The following IL1RAPL2 variants were observed in gnomAD, a reference collection of about 807,000 sequenced individuals.
The protein encoded by IL1RAPL2 is X-linked interleukin-1 receptor accessory protein-like 2.
Under a neutral mutation model 44.1 loss-of-function variants are expected in IL1RAPL2, and 3 were observed. The observed-to-expected ratio is 0.07, with a 90% CI of 0.03 to 0.18. The LOEUF is 0.18. Ranked by LOEUF, IL1RAPL2 falls within the 10% of genes least tolerant of loss-of-function variation. The probability of loss-of-function intolerance (pLI) is 1.00; values close to 1 mark genes in which losing one functional copy is unlikely to be tolerated. For missense variants in IL1RAPL2, 391 were observed against 496.4 expected, an observed-to-expected ratio of 0.79 and a Z score of 2.02; for synonymous variants, 181 against 178.8, an observed-to-expected ratio of 1.01 and a Z score of -0.10.
intron 2 of IL1RAPL2, among the ~76,000 whole-genome samples, chrX:104,819,669 T>C (rs1921245457): frequency 8.9e-6 from 1 of 112,066 alleles, no homozygotes; most frequent in Admixed American, 9.4e-5. Context: ...CTAGTACACG[T>C]TGTCCCTATA....
chrX:105,055,533 T>C (rs1422667875), intron 2 of IL1RAPL2, among the ~76,000 whole-genome samples: 1 of 111,975 alleles, frequency 8.9e-6, no homozygotes, highest in Non-Finnish European at 1.9e-5. Context: ...AATGTTTTGA[T>C]TGGCAAAAAA....
intron 5 of IL1RAPL2, among the ~76,000 whole-genome samples, chrX:105,330,248 A>G (rs752487699): frequency 9.0e-6 from 1 of 111,548 alleles, no homozygotes; most frequent in Non-Finnish European, 1.9e-5. Context: ...TGTGACATTT[A>G]GAGCCAGGTC....
At chrX:105,647,059 G>A (rs910497072) in intron 6 of IL1RAPL2, among the ~76,000 whole-genome samples, 11 of 112,284 alleles carry the variant, frequency 9.8e-5, no homozygotes, top group Non-Finnish European at 1.5e-4. Flanking sequence ...CGTGGCTCAC[G>A]GAAGAGAACT....
At chrX:104,740,284 G>A (rs1257517986) in intron 2 of IL1RAPL2, among the ~76,000 whole-genome samples, 1 of 110,925 alleles carries the variant, frequency 9.0e-6, no homozygotes, top group African/African-American at 3.3e-5. Flanking sequence ...GGTAGACAAT[G>A]TATTTGATTT....
At chrX:105,014,861 C>G (rs2031140151) in intron 2 of IL1RAPL2, among the ~76,000 whole-genome samples, 1 of 111,992 alleles carries the variant, frequency 8.9e-6, no homozygotes, top group Admixed American at 9.5e-5. Flanking sequence ...AATGGTATTT[C>G]TGGTTCTAGA....
intron 5 of IL1RAPL2, among the ~76,000 whole-genome samples, chrX:105,348,422 C>G (rs1378658671): frequency 1.8e-5 from 2 of 112,031 alleles, no homozygotes; most frequent in East Asian, 2.8e-4. Flanking sequence ...TTTCATAGAG[C>G]TGTTGTGGGA....
At chrX:105,006,751 C>T (rs2030949713) in intron 2 of IL1RAPL2, among the ~76,000 whole-genome samples, 1 of 111,212 alleles carries the variant, frequency 9.0e-6, no homozygotes, top group Non-Finnish European at 1.9e-5. Flanking sequence ...TAAGCAAGAA[C>T]ACATTTTGAG....
intron 2 of IL1RAPL2, among the ~76,000 whole-genome samples, chrX:104,712,311 C>T (rs1277305912): frequency 9.0e-6 from 1 of 110,634 alleles, no homozygotes; most frequent in African/African-American, 3.3e-5. Flanking sequence ...AGGTTTGCCA[C>T]AGGGAATAAA....
chrX:104,647,119 TA>T (rs899306388), intron 1 of IL1RAPL2: 2 of 213,619 alleles, frequency 9.4e-6, no homozygotes, highest in Non-Finnish European at 1.8e-5. Flanking sequence ...ATTTCTGGGA[TA>T]GGGGCAGAAG....
At chrX:104,741,671 G>A (rs746893308) in intron 2 of IL1RAPL2, among the ~76,000 whole-genome samples, 2 of 110,548 alleles carry the variant, frequency 1.8e-5, no homozygotes, top group South Asian at 7.6e-4. Context: ...CAACCAGAGA[G>A]CAAAGAAGCA....
intron 2 of IL1RAPL2, among the ~76,000 whole-genome samples, chrX:104,769,105 A>T (rs1028689504): frequency 9.0e-6 from 1 of 111,565 alleles, no homozygotes; most frequent in Non-Finnish European, 1.9e-5. Context: ...TAGGGGATTG[A>T]ACTAGATATT....
chrX:104,803,322 C>T (rs756235373), intron 2 of IL1RAPL2, among the ~76,000 whole-genome samples: 2 of 112,162 alleles, frequency 1.8e-5, no homozygotes, highest in Admixed American at 1.9e-4. Context: ...CATATCCACA[C>T]ATGTCTGTGC....
At chrX:105,336,181 G>A (rs1359031375) in intron 5 of IL1RAPL2, among the ~76,000 whole-genome samples, 1 of 112,280 alleles carries the variant, frequency 8.9e-6, no homozygotes, top group Non-Finnish European at 1.9e-5. Flanking sequence ...AAAAGAAGAT[G>A]ATTGTCATCC....
At chrX:105,324,500 CAT>C (rs1218196110) in intron 5 of IL1RAPL2, among the ~76,000 whole-genome samples, 1 of 111,187 alleles carries the variant, frequency 9.0e-6, no homozygotes, top group African/African-American at 3.3e-5. Context: ...ATGCTATCTA[CAT>C]GTCTCACAAG....
At chrX:105,636,667 C>G (rs1440104486) in intron 6 of IL1RAPL2, among the ~76,000 whole-genome samples, 1 of 111,348 alleles carries the variant, frequency 9.0e-6, no homozygotes, top group Non-Finnish European at 1.9e-5. Flanking sequence ...GTTCACATCC[C>G]CAAAGATCTC....
chrX:104,685,049 G>T (rs1374995027), intron 2 of IL1RAPL2, among the ~76,000 whole-genome samples: 1 of 112,486 alleles, frequency 8.9e-6, no homozygotes, highest in East Asian at 2.8e-4. Flanking sequence ...CAGGAAGGGA[G>T]TGGGTAGATT....
At chrX:105,279,810 C>T (rs2034516596) in intron 5 of IL1RAPL2, among the ~76,000 whole-genome samples, 1 of 112,388 alleles carries the variant, frequency 8.9e-6, no homozygotes, top group East Asian at 2.8e-4. Context: ...TTGCCATGCT[C>T]ATGGATAGGA....
intron 2 of IL1RAPL2, among the ~76,000 whole-genome samples, chrX:104,905,036 C>T (rs1569338900): frequency 9.0e-6 from 1 of 110,730 alleles, no homozygotes; most frequent in Non-Finnish European, 1.9e-5. Flanking sequence ...TTTTGATTTG[C>T]ATTTCTCTGA....
intron 1 of IL1RAPL2, among the ~76,000 whole-genome samples, chrX:104,635,009 T>C (rs1386463027): frequency 1.8e-5 from 2 of 111,623 alleles, no homozygotes; most frequent in Admixed American, 9.5e-5. Flanking sequence ...TTTAGTGCTT[T>C]CTTCAGGAGC....
Sources: allele counts gnomAD v4.1 joint callset (sites outside exome capture counted in the v4.1 genomes callset), GRCh38; gene constraint gnomAD v4.1.1; transcripts MANE v1.5; gene names NCBI Gene and HGNC (gene_info 2026-07-23, HGNC 2026-07-21).